COG5: variants seen among roughly 807,000 people sequenced by gnomAD.
COG5 encodes the protein component of oligomeric golgi complex 5, also known as conserved oligomeric Golgi complex subunit 5.
In COG5, 86 loss-of-function variants were observed where a neutral mutation model predicts 110.4. That is an observed-to-expected ratio of 0.78 (90% CI 0.65 to 0.93). The LOEUF is 0.93. Ranked by LOEUF, COG5 falls within the 40% of genes least tolerant of loss-of-function variation. COG5 has a pLI of 0.00. For synonymous variants in COG5, 360 were observed against 334.6 expected, an observed-to-expected ratio of 1.08 and a Z score of -0.83; for missense variants, 1,077 against 987.0, an observed-to-expected ratio of 1.09 and a Z score of -1.22.
At chr7:107,553,762 C>G (rs1803093767) in intron 3 of COG5, among the ~76,000 whole-genome samples, 1 of 152,106 alleles carries the variant, frequency 6.6e-6, no homozygotes. Context: ...AAAAAAGGCT[C>G]CAAGAAAGGC....
intron 6 of COG5, among the ~76,000 whole-genome samples, chr7:107,508,576 T>C (rs1799224126): frequency 6.6e-6 from 1 of 152,242 alleles, no homozygotes; most frequent in Admixed American, 6.5e-5. Context: ...ATGGGCAGAC[T>C]GCCTCCTCAA....
At chr7:107,498,627 A>T (rs1023827138) in intron 6 of COG5, among the ~76,000 whole-genome samples, 64 of 152,246 alleles carry the variant, frequency 4.2e-4, no homozygotes, top group African/African-American at 1.5e-3. Context: ...AAACAAGCAA[A>T]AACAACAAAA....
chr7:107,412,720 A>G (rs1361112117), intron 6 of COG5, 88 bp from the exon 7 acceptor site: 2 of 841,274 alleles, frequency 2.4e-6, no homozygotes, highest in South Asian at 1.6e-5. Context: ...CTCAAAAAAA[A>G]AAAACAAAAA....
At chr7:107,452,167 C>T (rs1315408311) in intron 6 of COG5, among the ~76,000 whole-genome samples, 1 of 152,134 alleles carries the variant, frequency 6.6e-6, no homozygotes, top group Non-Finnish European at 1.5e-5. Flanking sequence ...TCACCATGAA[C>T]TCTTGCCTGG....
intron 6 of COG5, among the ~76,000 whole-genome samples, chr7:107,487,648 G>A (rs1483600857): frequency 6.6e-6 from 1 of 151,474 alleles, no homozygotes; most frequent in Non-Finnish European, 1.5e-5. Flanking sequence ...CTTCTAAAAT[G>A]TATCATAAGG....
At chr7:107,544,129 G>C (rs1802247505) in intron 5 of COG5, among the ~76,000 whole-genome samples, 1 of 152,080 alleles carries the variant, frequency 6.6e-6, no homozygotes. Flanking sequence ...AGCAGACCAA[G>C]GCTCCAGGAC....
chr7:107,507,211 C>A (rs1351498288), intron 6 of COG5, among the ~76,000 whole-genome samples: 1 of 152,144 alleles, frequency 6.6e-6, no homozygotes, highest in Non-Finnish European at 1.5e-5. Flanking sequence ...TAGCCTGCAG[C>A]TTCTTTCAAA....
At chr7:107,330,798 AATCAGG>A (rs1245821956) in intron 10 of COG5, among the ~76,000 whole-genome samples, 1 of 151,378 alleles carries the variant, frequency 6.6e-6, no homozygotes, top group African/African-American at 2.4e-5. Context: ...TGTTATGAAG[AATCAGG>A]ATCTCTTGAG....
intron 6 of COG5, among the ~76,000 whole-genome samples, chr7:107,484,195 C>T (rs116506112): frequency 0.017 from 2,590 of 152,040 alleles, 65 homozygotes; most frequent in African/African-American, 0.051. Context: ...GGGTGACAGG[C>T]GTGCACCAAC....
In COG5 at chr7:107,413,662, T is replaced by C. The variant is rs78180957; in HGVS notation, c.539-1030A>G. Among the ~76,000 whole-genome samples the C allele has an allele frequency of 1.1e-4, 17 of 152,266 alleles. No homozygotes were observed. In the East Asian group the frequency reaches 3.1e-3, roughly 28 times the overall value. On this transcript the variant is annotated intron_variant, in intron 6 of 21. Coordinates refer to ENST00000297135, the MANE Select transcript of COG5 (RefSeq NM_006348.5). ...CCATTTATCTGATGCATACAATCACTATCAGCGTTACAAGTCTTTATATAT... is the reference window on the plus strand; with the variant it reads ...CCATTTATCTGATGCATACAATCACCATCAGCGTTACAAGTCTTTATATAT...
chr7:107,301,384 T>C (rs1448311157), intron 11 of COG5, among the ~76,000 whole-genome samples: 2 of 151,972 alleles, frequency 1.3e-5, no homozygotes, highest in South Asian at 4.2e-4. Context: ...CTAAAACACA[T>C]AAAGAACTCT....
chr7:107,313,531 G>A (rs888835510), intron 11 of COG5, among the ~76,000 whole-genome samples: 5 of 152,074 alleles, frequency 3.3e-5, no homozygotes, highest in African/African-American at 1.2e-4. Flanking sequence ...GTCTGAGATT[G>A]GTCTCACTGA....
intron 10 of COG5, among the ~76,000 whole-genome samples, chr7:107,327,911 T>A (rs1394295656): frequency 6.6e-6 from 1 of 152,204 alleles, no homozygotes; most frequent in African/African-American, 2.4e-5. Context: ...AATTACCATA[T>A]GATCCAGCAA....
intron 6 of COG5, among the ~76,000 whole-genome samples, chr7:107,510,738 A>T (rs1481234263): frequency 6.6e-6 from 1 of 152,134 alleles, no homozygotes; most frequent in African/African-American, 2.4e-5. Flanking sequence ...GGATTAAGAA[A>T]CTCACTCAAA....
At chr7:107,502,435 G>A (rs1026586443) in intron 6 of COG5, among the ~76,000 whole-genome samples, 9 of 152,108 alleles carry the variant, frequency 5.9e-5, no homozygotes, top group African/African-American at 2.2e-4. Flanking sequence ...TGGGCATTTA[G>A]GTGGGTTCCA....
intron 17 of COG5, among the ~76,000 whole-genome samples, chr7:107,238,049 A>G (rs540022715): frequency 1.1e-3 from 165 of 152,214 alleles, no homozygotes; most frequent in Non-Finnish European, 2.1e-3. Flanking sequence ...ATATGTATAC[A>G]GTGTGGAATG....
intron 17 of COG5, among the ~76,000 whole-genome samples, chr7:107,246,196 C>T (rs895390194): frequency 6.6e-6 from 1 of 152,166 alleles, no homozygotes; most frequent in Non-Finnish European, 1.5e-5. Flanking sequence ...CTTCCTTACA[C>T]CATACACAAA....
chr7:107,433,615 T>C (rs1468389144), intron 6 of COG5, among the ~76,000 whole-genome samples: 1 of 152,192 alleles, frequency 6.6e-6, no homozygotes, highest in Non-Finnish European at 1.5e-5. Context: ...GAAAACTGGA[T>C]ATCCATATGC....
At chr7:107,254,408 A>C (rs1002737064) in intron 16 of COG5, among the ~76,000 whole-genome samples, 1 of 152,048 alleles carries the variant, frequency 6.6e-6, no homozygotes, top group East Asian at 1.9e-4. Context: ...TTTTTACTTA[A>C]TAAGTCATAA....
Sources: allele counts gnomAD v4.1 joint callset (sites outside exome capture counted in the v4.1 genomes callset), GRCh38; gene constraint gnomAD v4.1.1; transcripts MANE v1.5; gene names NCBI Gene and HGNC (gene_info 2026-07-23, HGNC 2026-07-21).